The following CSMD1 variants were observed in gnomAD, a reference collection of about 807,000 sequenced individuals.
CSMD1 encodes the protein CUB and sushi domain-containing protein 1.
In CSMD1, 213 loss-of-function variants were observed where a neutral mutation model predicts 417.5. That is an observed-to-expected ratio of 0.51 (90% CI 0.46 to 0.57). The LOEUF is 0.57. Ranked by LOEUF, CSMD1 falls within the 20% of genes least tolerant of loss-of-function variation. The probability of loss-of-function intolerance (pLI) is 0.00; values close to 1 mark genes in which losing one functional copy is unlikely to be tolerated. For missense variants in CSMD1, 6,923 were observed against 4,529.7 expected (o/e 1.53, Z -15.17); for synonymous variants, 2,862 against 1,736.8 (o/e 1.65, Z -16.11).
intron 5 of CSMD1, among the ~76,000 whole-genome samples, chr8:3,908,925 G>T (rs867345896): frequency 6.6e-6 from 1 of 152,186 alleles, no homozygotes; most frequent in Non-Finnish European, 1.5e-5. Context: ...ATCTTGCTTT[G>T]CAAGCGCTGG....
intron 12 of CSMD1, among the ~76,000 whole-genome samples, chr8:3,452,988 T>C (rs1334139223): frequency 6.6e-6 from 1 of 152,226 alleles, no homozygotes; most frequent in African/African-American, 2.4e-5. Flanking sequence ...ATTGCCTCTA[T>C]TTCAGAGCCT....
intron 6 of CSMD1, among the ~76,000 whole-genome samples, chr8:3,719,742 T>C (rs181149415): frequency 6.6e-6 from 1 of 152,288 alleles, no homozygotes; most frequent in Non-Finnish European, 1.5e-5. Context: ...AAATATATAC[T>C]GGCTGCTTTC....
At chr8:4,523,087 C>G (rs145319718) in intron 2 of CSMD1, among the ~76,000 whole-genome samples, 1 of 152,162 alleles carries the variant, frequency 6.6e-6, no homozygotes, top group Non-Finnish European at 1.5e-5. Flanking sequence ...AAACTCCAAC[C>G]TTTTGGTGGG....
intron 8 of CSMD1, among the ~76,000 whole-genome samples, chr8:3,590,621 T>C (rs1800804824): frequency 1.3e-5 from 2 of 152,136 alleles, no homozygotes; most frequent in Admixed American, 1.3e-4. Context: ...TTGCAAATTA[T>C]CGGAAAAAGC....
rs192767378 is a variant in CSMD1, at chr8:4,824,720, A to C, written c.85+169612T>G. Among the ~76,000 whole-genome samples, 17 of 152,266 alleles carry C rather than the reference A, an allele frequency of 1.1e-4. No homozygotes were observed. The South Asian group carries it at 2.9e-3, about 26-fold the overall frequency. ...ACTGAAATAACTGCTGACATCATGG[A>C]ATTACTTGGAATAACACTGCTGGAA... On this transcript the variant is annotated intron_variant, in intron 1 of 69. Coordinates refer to ENST00000635120, the MANE Select transcript of CSMD1 (RefSeq NM_033225.6).
At chr8:4,407,326 G>C (rs1805099588) in intron 3 of CSMD1, among the ~76,000 whole-genome samples, 2 of 152,164 alleles carry the variant, frequency 1.3e-5, no homozygotes, top group Admixed American at 1.3e-4. Flanking sequence ...GGGATGAAAT[G>C]AAAACATATA....
chr8:4,131,404 C>T (rs1585383012), intron 3 of CSMD1, among the ~76,000 whole-genome samples: 2 of 152,108 alleles, frequency 1.3e-5, no homozygotes, highest in East Asian at 1.9e-4. Context: ...CTTCCTTGAG[C>T]TATTTGTACC....
intron 26 of CSMD1, among the ~76,000 whole-genome samples, chr8:3,257,049 C>A (rs549008995): frequency 6.6e-6 from 1 of 152,184 alleles, no homozygotes; most frequent in Non-Finnish European, 1.5e-5. Context: ...GGGCCAGGTA[C>A]AGTGGCTCAT....
intron 10 of CSMD1, among the ~76,000 whole-genome samples, chr8:3,536,062 C>A (rs949209492): frequency 6.6e-6 from 1 of 152,156 alleles, no homozygotes; most frequent in Non-Finnish European, 1.5e-5. Flanking sequence ...AGGTCCTGGC[C>A]ATACACAAGT....
chr8:4,825,684 G>A (rs1281945220), intron 1 of CSMD1, among the ~76,000 whole-genome samples: 3 of 151,028 alleles, frequency 2.0e-5, no homozygotes, highest in African/African-American at 4.9e-5. Flanking sequence ...CAGTGAAAAG[G>A]CAACCTACAG....
At chr8:4,045,217 G>A (rs747611075) in intron 3 of CSMD1, among the ~76,000 whole-genome samples, 12 of 152,286 alleles carry the variant, frequency 7.9e-5, no homozygotes, top group African/African-American at 1.9e-4. Flanking sequence ...CAATGTGGGC[G>A]ACAGTTGTCC....
intron 12 of CSMD1, among the ~76,000 whole-genome samples, chr8:3,454,629 T>G (rs1449432813): frequency 6.6e-6 from 1 of 152,230 alleles, no homozygotes; most frequent in Non-Finnish European, 1.5e-5. Context: ...TTAGGAATGT[T>G]GAATATTGGC....
intron 2 of CSMD1, among the ~76,000 whole-genome samples, chr8:4,601,644 G>T (rs1243533938): frequency 6.6e-6 from 1 of 152,136 alleles, no homozygotes; most frequent in Non-Finnish European, 1.5e-5. Flanking sequence ...TATGGCGGAT[G>T]TCTCATTTTT....
intron 13 of CSMD1, among the ~76,000 whole-genome samples, chr8:3,409,073 A>G (rs942579632): frequency 2.0e-5 from 3 of 152,180 alleles, no homozygotes; most frequent in Non-Finnish European, 2.9e-5. Context: ...AGTGTTATAC[A>G]GCATTATTAA....
intron 23 of CSMD1, among the ~76,000 whole-genome samples, chr8:3,335,431 A>G (rs1429890192): frequency 5.9e-5 from 9 of 152,142 alleles, no homozygotes; most frequent in African/African-American, 9.7e-5. Context: ...TAATCCCATC[A>G]CTTTGGGAGG....
chr8:2,937,054 A>C lies in CSMD1; in HGVS notation c.*1531T>G, dbSNP rs1402984084. ...AAAAATATTTTTATCAAATAAGTAT[A>C]AGTAAAAGTAAACATGATTTTCACT... is the stretch of plus-strand genomic sequence containing the variant. On this transcript the variant is annotated 3_prime_UTR_variant, in exon 70 of 70. Transcript: ENST00000635120. The C allele has an allele frequency of 6.6e-6, 1 of 152,206 alleles. No homozygotes were observed. The highest frequency in any genetic ancestry group is 1.5e-5 in the Non-Finnish European group (1 of 68,046). 9.4% of individuals were successfully genotyped at this position (152,206 alleles called of 1,614,324 possible).
intron 11 of CSMD1, among the ~76,000 whole-genome samples, chr8:3,487,079 A>G (rs1014747106): frequency 6.6e-6 from 1 of 152,230 alleles, no homozygotes; most frequent in Non-Finnish European, 1.5e-5. Context: ...AACCAGGCCA[A>G]GTAACCATTA....
chr8:4,657,166 G>T lies in CSMD1; in HGVS notation c.86-19608C>A, dbSNP rs1251485487. 3.3e-5 allele frequency among the ~76,000 whole-genome samples: 5 copies of T among 152,236 alleles called. No homozygotes were observed. In the East Asian group the frequency reaches 7.8e-4, roughly 24 times the overall value. On this transcript the variant is annotated intron_variant, in intron 1 of 69. Transcript: ENST00000635120. The stretch of plus-strand genomic sequence containing the variant: ...GGGAAACTCAGAAACTCACACATAT[G>T]CCCAGGGCAGAATACACTCTCAGAA...
At chr8:3,440,771 GT>G in intron 12 of CSMD1, among the ~76,000 whole-genome samples, 1 of 152,222 alleles carries the variant, frequency 6.6e-6, no homozygotes, top group East Asian at 1.9e-4. Context: ...AATTCTAAGT[GT>G]TTTTTTGTTT....
Sources: allele counts gnomAD v4.1 joint callset (sites outside exome capture counted in the v4.1 genomes callset), GRCh38; gene constraint gnomAD v4.1.1; transcripts MANE v1.5; gene names NCBI Gene and HGNC (gene_info 2026-07-23, HGNC 2026-07-21).